Variants in CACNA1C observed in about 807,000 individuals in gnomAD.
The protein encoded by CACNA1C is voltage-dependent L-type calcium channel subunit alpha-1C.
CACNA1C carries 30 observed loss-of-function variants against 229.0 expected under a neutral mutation model. The ratio of observed to expected loss-of-function variants is 0.13; its 90% CI spans 0.10 to 0.18. The LOEUF is 0.18. Among genes scored for constraint, CACNA1C ranks in the 10% least tolerant of loss-of-function variants. The pLI is 1.00. For missense variants in CACNA1C, 1,658 were observed against 2,845.0 expected (o/e 0.58, Z 9.49); for synonymous variants, 1,114 against 1,132.5 (o/e 0.98, Z 0.33).
At chr12:2,153,225 C>T (rs2095380526) in intron 3 of CACNA1C, among the ~76,000 whole-genome samples, 1 of 152,170 alleles carries the variant, frequency 6.6e-6, no homozygotes, top group Non-Finnish European at 1.5e-5. Context: ...TGGCCCTTAT[C>T]CTTGAGGTTA....
intron 2 of CACNA1C, 44 bp downstream of exon 2, chr12:2,115,589 C>G: frequency 6.3e-7 from 1 of 1,584,848 alleles, no homozygotes. Context: ...GGGACCTGCA[C>G]GCTGGGTCCA....
chr12:2,053,736 G>GGGCGCCTCCGCCTCGTCGGAGCGCCC lies in CACNA1C; in HGVS notation c.49+128_49+153dup. ...AGTGGCCCGGGGCCGCGTCCGCGAGGGGCGCCTCCGCCTCGTCGGAGCGCC... is the reference window on the plus strand; with the variant it reads ...AGTGGCCCGGGGCCGCGTCCGCGAGGGGCGCCTCCGCCTCGTCGGAGCGCCCGGCGCCTCCGCCTCGTCGGAGCGCC... On this transcript the variant is annotated intron_variant, in intron 1 of 46. Transcript: ENST00000399655. The surrounding 1 kb of genome is among the most constrained non-coding windows in gnomAD (Gnocchi z 5.8). 1.0e-6 allele frequency: 1 copy of GGGCGCCTCCGCCTCGTCGGAGCGCCC among 983,118 alleles called. No individual in the cohort carries two copies. Among genetic ancestry groups the GGGCGCCTCCGCCTCGTCGGAGCGCCC allele is most frequent in the Non-Finnish European group, 1.3e-6 (1 of 771,482 alleles). 60.9% of individuals were successfully genotyped at this position (983,118 alleles called of 1,614,324 possible).
At position 2,104,189 on chromosome 12, in the gene CACNA1C, A is replaced by AT. The variant is rs1209638234; in HGVS notation, c.50-11033dup. ...GGGCAGTATGGCCATTTTGATATTG[A>AT]TTCTTCCTATCTATGAGCATGGAAT... On this transcript the variant is annotated intron_variant, in intron 1 of 46. Transcript: ENST00000399655. Among the ~76,000 whole-genome samples the AT allele has an allele frequency of 3.9e-5, 6 of 152,170 alleles. 1 individual carries two copies. Among genetic ancestry groups the AT allele is most frequent in the Admixed American group, 3.9e-4 (6 of 15,282 alleles).
intron 1 of CACNA1C, among the ~76,000 whole-genome samples, chr12:2,058,821 C>A (rs1185252934): frequency 1.3e-5 from 2 of 152,160 alleles, no homozygotes; most frequent in Non-Finnish European, 2.9e-5. Context: ...AAATGGAAGG[C>A]TGAAATAATG....
chr12:2,245,980 T>C (rs558152665), intron 3 of CACNA1C, among the ~76,000 whole-genome samples: 27 of 152,252 alleles, frequency 1.8e-4, no homozygotes, highest in Non-Finnish European at 2.9e-4. Flanking sequence ...GAGCACTACC[T>C]GCATGTTGTT....
At chr12:2,551,987 A>G (rs2099905531) in intron 10 of CACNA1C, among the ~76,000 whole-genome samples, 1 of 152,176 alleles carries the variant, frequency 6.6e-6, no homozygotes, top group African/African-American at 2.4e-5. Context: ...GTTGGGATGA[A>G]AACTACCAAT....
At chr12:2,343,709 A>G (rs1191971441) in intron 3 of CACNA1C, among the ~76,000 whole-genome samples, 2 of 152,150 alleles carry the variant, frequency 1.3e-5, no homozygotes, top group African/African-American at 4.8e-5. Flanking sequence ...TGCAGAATGT[A>G]TAGTGTTAAT....
chr12:2,304,165 CAG>C (rs897929353), intron 3 of CACNA1C, among the ~76,000 whole-genome samples: 15 of 152,304 alleles, frequency 9.8e-5, no homozygotes, highest in African/African-American at 3.6e-4. Context: ...GGATGTCCCT[CAG>C]GGGCTGTGAA....
In CACNA1C at chr12:2,297,138, G is replaced by T. The variant is rs968522847; in HGVS notation, c.478-151838G>T. On this transcript the variant is annotated intron_variant, in intron 3 of 46. Transcript: ENST00000399655. ...CTCAGTAATAGAAGCAACTCCGATT[G>T]CATGAGCAGGCTTCTCGAGTGCTGT... Among the ~76,000 whole-genome samples the T allele has an allele frequency of 6.9e-4, 105 of 152,196 alleles. 6 individuals are homozygous for T. The highest frequency in any genetic ancestry group is 1.3e-4 in the Non-Finnish European group (9 of 68,044).
chr12:2,249,760 C>T (rs1289442078), intron 3 of CACNA1C, among the ~76,000 whole-genome samples: 2 of 149,708 alleles, frequency 1.3e-5, no homozygotes, highest in Non-Finnish European at 3.0e-5. Context: ...TGACATCTGC[C>T]TTGCCTTCTC....
intron 3 of CACNA1C, among the ~76,000 whole-genome samples, chr12:2,280,269 A>AGACC (rs1566851424): frequency 4.8e-5 from 4 of 84,018 alleles, no homozygotes; most frequent in South Asian, 5.4e-4. Context: ...TAACCTCTTG[A>AGACC]TACCTTGCTG....
At chr12:2,076,988 C>T (rs569549620) in intron 1 of CACNA1C, among the ~76,000 whole-genome samples, 32 of 152,350 alleles carry the variant, frequency 2.1e-4, no homozygotes, top group Admixed American at 3.9e-4. Context: ...GAGCGGACGC[C>T]ATGCTGGGCT....
chr12:2,681,104 C>T (rs1256064777), intron 42 of CACNA1C, among the ~76,000 whole-genome samples: 1 of 152,126 alleles, frequency 6.6e-6, no homozygotes, highest in Non-Finnish European at 1.5e-5. Flanking sequence ...CCTCATGAAG[C>T]TTCTGCTTAA....
chr12:2,376,096 G>A (rs566197338), intron 3 of CACNA1C, among the ~76,000 whole-genome samples: 3 of 152,248 alleles, frequency 2.0e-5, no homozygotes, highest in Non-Finnish European at 4.4e-5. Flanking sequence ...GAAACATTGA[G>A]TGAAATGACA....
chr12:2,149,345 G>C (rs1373045463), intron 3 of CACNA1C, among the ~76,000 whole-genome samples: 1 of 152,138 alleles, frequency 6.6e-6, no homozygotes, highest in Non-Finnish European at 1.5e-5. Flanking sequence ...AGAAAGAGAG[G>C]CCTGGTGAAA....
At position 2,077,021 on chromosome 12, in the gene CACNA1C, A is replaced by G. The variant is rs2154527145; in HGVS notation, c.49+23410A>G. ...GCTCACTAGCTGTGGCTTCATGTTTAGCAATGAGGTCGAGCAACATTCATT... is the reference window on the plus strand; with the variant it reads ...GCTCACTAGCTGTGGCTTCATGTTTGGCAATGAGGTCGAGCAACATTCATT... On this transcript the variant is annotated intron_variant, in intron 1 of 46. Coordinates refer to ENST00000399655, the MANE Select transcript of CACNA1C (RefSeq NM_000719.7). Among the ~76,000 whole-genome samples, 2 of 152,380 alleles carry G rather than the reference A, an allele frequency of 1.3e-5. 1 individual carries two copies.
intron 3 of CACNA1C, among the ~76,000 whole-genome samples, chr12:2,429,395 G>C (rs1251185971): frequency 6.6e-6 from 1 of 152,144 alleles, no homozygotes; most frequent in Admixed American, 6.5e-5. Flanking sequence ...TCGGCTAACA[G>C]AGAGAATTCT....
intron 3 of CACNA1C, among the ~76,000 whole-genome samples, chr12:2,241,289 T>A (rs1027593712): frequency 6.6e-6 from 1 of 152,094 alleles, no homozygotes. Flanking sequence ...GCAAATCATA[T>A]TGTCCCCATT....
At chr12:2,172,148 C>T (rs1293604127) in intron 3 of CACNA1C, among the ~76,000 whole-genome samples, 1 of 152,190 alleles carries the variant, frequency 6.6e-6, no homozygotes, top group African/African-American at 2.4e-5. Flanking sequence ...CGACTGCAGT[C>T]TAATCATTGT....
Sources: gnomAD v4.1 joint callset for allele counts (sites outside exome capture counted in the v4.1 genomes callset) on GRCh38, gnomAD v4.1.1 for gene constraint, Gnocchi (gnomAD v3.1) non-coding constraint, MANE v1.5 for transcripts, NCBI Gene and HGNC (gene_info 2026-07-23, HGNC 2026-07-21) for gene names.